Variants in SYNE2 observed in about 807,000 individuals in gnomAD.
SYNE2 encodes the protein spectrin repeat containing nuclear envelope protein 2.
SYNE2 carries 431 observed loss-of-function variants against 856.3 expected under a neutral mutation model. That is an observed-to-expected ratio of 0.50 (90% CI 0.47 to 0.55). The LOEUF (loss-of-function observed/expected upper bound fraction) is 0.55, where lower values mean the gene tolerates loss of function less well. Among genes scored for constraint, SYNE2 ranks in the 20% least tolerant of loss-of-function variants. The probability of loss-of-function intolerance (pLI) is 0.00; values close to 1 mark genes in which losing one functional copy is unlikely to be tolerated. For synonymous variants in SYNE2, 2,923 were observed against 2,872.3 expected (o/e 1.02, Z -0.56); for missense variants, 8,129 against 8,023.2 (o/e 1.01, Z -0.50).
At chr14:64,019,804 G>T (rs1485219015) in intron 34 of SYNE2, among the ~76,000 whole-genome samples, 188 bp from the exon 35 acceptor site, 1 of 152,174 alleles carries the variant, frequency 6.6e-6, no homozygotes, top group Non-Finnish European at 1.5e-5. Context: ...AAAGACGCTT[G>T]GTTGTAGCAT....
At chr14:64,140,128 G>T in intron 80 of SYNE2, 55 bp downstream of exon 80, 1 of 1,556,010 alleles carries the variant, frequency 6.4e-7, no homozygotes, top group South Asian at 1.1e-5. Context: ...AAATATCAAG[G>T]AAAAAGCATC....
intron 1 of SYNE2, among the ~76,000 whole-genome samples, chr14:63,898,709 C>A (rs1470766334): frequency 6.6e-6 from 1 of 152,078 alleles, no homozygotes; most frequent in East Asian, 1.9e-4. Context: ...CTGGCCCTCA[C>A]CAGTAGCTTT....
In SYNE2 at chr14:64,167,403, C is replaced by A; in HGVS notation, c.16760+16C>A. 1 of 1,614,248 alleles carries A rather than the reference C, an allele frequency of 6.2e-7. No homozygotes were observed. Among genetic ancestry groups the A allele is most frequent in the African/African-American group, 1.3e-5 (1 of 75,068 alleles). On this transcript the variant is annotated intron_variant, in intron 91 of 115. Transcript: ENST00000555002. ...AGCGCTGCAGGTTAGAACATCCCTTCTCTGTCGTTGTTTCAATTAAGGTAA... is the reference window on the plus strand; with the variant it reads ...AGCGCTGCAGGTTAGAACATCCCTTATCTGTCGTTGTTTCAATTAAGGTAA...
intron 11 of SYNE2, among the ~76,000 whole-genome samples, chr14:63,968,471 A>G (rs1566934628): frequency 1.3e-5 from 2 of 152,204 alleles, no homozygotes; most frequent in South Asian, 2.1e-4. Flanking sequence ...TCATGTATCA[A>G]TATCAGTAGA....
At chr14:64,129,568 G>A (rs1251332709) in intron 74 of SYNE2, among the ~76,000 whole-genome samples, 1 of 152,144 alleles carries the variant, frequency 6.6e-6, no homozygotes, top group Non-Finnish European at 1.5e-5. Context: ...TTGAGTTTAG[G>A]GATATGCATG....
At chr14:64,158,504 C>T in intron 85 of SYNE2, 121 bp from the exon 86 acceptor site, 1 of 1,054,698 alleles carries the variant, frequency 9.5e-7, no homozygotes, top group Non-Finnish European at 1.4e-6. Flanking sequence ...TTCAGTTAAT[C>T]ACTGGTGATC....
intron 49 of SYNE2, among the ~76,000 whole-genome samples, chr14:64,058,957 G>T (rs2097295164): frequency 6.6e-6 from 1 of 151,924 alleles, no homozygotes; most frequent in South Asian, 2.1e-4. Context: ...AGACTCTGAT[G>T]CATTCCTCAG....
upstream of SYNE2, among the ~76,000 whole-genome samples, chr14:63,848,902 C>T (rs1890315771): frequency 6.6e-6 from 1 of 152,232 alleles, no homozygotes; most frequent in Non-Finnish European, 1.5e-5. Context: ...TTTCCTCAAT[C>T]TCTAGGATGT....
chr14:63,994,133 T>G (rs2096692682), intron 22 of SYNE2, among the ~76,000 whole-genome samples, 164 bp downstream of exon 22: 1 of 152,138 alleles, frequency 6.6e-6, no homozygotes, highest in South Asian at 2.1e-4. Context: ...CATAGCGGAA[T>G]AGGTCTAGGC....
At chr14:64,211,559 C>T (rs1175513399) in intron 103 of SYNE2, among the ~76,000 whole-genome samples, 1 of 152,246 alleles carries the variant, frequency 6.6e-6, no homozygotes, top group Non-Finnish European at 1.5e-5. Context: ...GCAAAAGCTG[C>T]AGAAGGCCAA....
Position 64,022,741 on chromosome 14 carries a change from C to A in SYNE2, c.5525-10C>A, listed in dbSNP as rs924959192. On this transcript the variant is annotated splice_polypyrimidine_tract_variant and intron_variant, in intron 37 of 115. Transcript: ENST00000555002. Reference sequence around the variant, plus strand: ...CTTGAATGAATAGAGCTTTTTTTTTCCCCCTGCAGATCAATGCAAGAACTT... The same window carrying A: ...CTTGAATGAATAGAGCTTTTTTTTTACCCCTGCAGATCAATGCAAGAACTT... 2 of 1,381,774 alleles carry A rather than the reference C, an allele frequency of 1.4e-6. No individual in the cohort carries two copies. The highest frequency in any genetic ancestry group is 1.4e-5 in the African/African-American group (1 of 69,620). 85.6% of individuals were successfully genotyped at this position (1,381,774 alleles called of 1,614,324 possible). A position where few individuals can be genotyped will look rare whatever the true frequency, so the allele number is the denominator to read the frequency against.
intron 99 of SYNE2, 111 bp downstream of exon 99, chr14:64,190,348 C>A: frequency 1.4e-6 from 2 of 1,392,626 alleles, no homozygotes; most frequent in South Asian, 2.5e-5. Flanking sequence ...TATAAGTTTA[C>A]AGATTAAGGC....
At chr14:64,115,853 C>G (rs1046714517) in intron 66 of SYNE2, among the ~76,000 whole-genome samples, 1 of 152,018 alleles carries the variant, frequency 6.6e-6, no homozygotes, top group Non-Finnish European at 1.5e-5. Context: ...CAGGAGCAAA[C>G]AGTTCAGTGA....
At chr14:63,962,031 TTTTA>T (rs1566919257) in intron 9 of SYNE2, among the ~76,000 whole-genome samples, 1 of 151,470 alleles carries the variant, frequency 6.6e-6, no homozygotes, top group African/African-American at 2.4e-5. Context: ...ATATTCTATT[TTTTA>T]TTTTTATTTT....
intron 13 of SYNE2, among the ~76,000 whole-genome samples, 167 bp from the exon 14 acceptor site, chr14:63,978,670 TGTATACCTAGTCACA>T (rs2153470647): frequency 6.6e-6 from 1 of 152,336 alleles, no homozygotes; most frequent in Non-Finnish European, 1.5e-5. Flanking sequence ...AAATGGTTGT[TGTATACCTAGTCACA>T]GTATTCGTTT....
At chr14:63,895,283 T>TG (rs1490679992) in intron 1 of SYNE2, among the ~76,000 whole-genome samples, 10 of 151,440 alleles carry the variant, frequency 6.6e-5, no homozygotes, top group African/African-American at 2.4e-4. Flanking sequence ...TTTTTTTTTT[T>TG]TATTTTTAGT....
At chr14:64,145,177 T>G (rs924214162) in intron 83 of SYNE2, among the ~76,000 whole-genome samples, 6 of 151,842 alleles carry the variant, frequency 4.0e-5, no homozygotes, top group African/African-American at 1.4e-4. Context: ...TACACCCACC[T>G]CTGCCTCCCA....
At chr14:64,203,057 C>T (rs1202572759) in intron 100 of SYNE2, 94 bp downstream of exon 100, 18 of 1,473,422 alleles carry the variant, frequency 1.2e-5, no homozygotes, top group Non-Finnish European at 1.5e-5. Context: ...TTTTCACGTG[C>T]TCACATTCCA....
chr14:64,110,547 A>G (rs1438827688), intron 65 of SYNE2, among the ~76,000 whole-genome samples: 1 of 148,276 alleles, frequency 6.7e-6, no homozygotes, highest in Non-Finnish European at 1.5e-5. Flanking sequence ...TAGAGAAGAC[A>G]TATTTATTTA....
Sources: allele counts gnomAD v4.1 joint callset (sites outside exome capture counted in the v4.1 genomes callset), GRCh38; gene constraint gnomAD v4.1.1; transcripts MANE v1.5; gene names NCBI Gene and HGNC (gene_info 2026-07-23, HGNC 2026-07-21).